NGLY1: variants seen among roughly 807,000 people sequenced by gnomAD.
NGLY1 encodes the protein peptide-N(4)-(N-acetyl-beta-glucosaminyl)asparagine amidase.
In NGLY1, 68 loss-of-function variants were observed where a neutral mutation model predicts 84.6. The ratio of observed to expected loss-of-function variants is 0.80; its 90% CI spans 0.66 to 0.98. NGLY1 has a LOEUF of 0.98. NGLY1 is among the 50% of genes least tolerant of loss of function. The pLI, the probability that NGLY1 is intolerant of heterozygous loss-of-function variation, is 0.00. For missense variants in NGLY1, 779 were observed against 770.2 expected (o/e 1.01, Z -0.14); for synonymous variants, 280 against 275.2 (o/e 1.02, Z -0.17).
exon 1 of NGLY1, chr3:25,789,951 G>T: frequency 6.7e-7 from 1 of 1,501,220 alleles, no homozygotes; most frequent in South Asian, 1.2e-5. Context: ...CTACCCAGCC[G>T]CCTCCCACGG....
chr3:25,736,147 G>T lies in NGLY1; in HGVS notation c.1006C>A (p.His336Asn). ...EARYVWDYTD[H>N]VWTEVYSPSQ... Reference sequence around the variant, plus strand: ...GGAGAATAGACTTCTGTCCAGACATGGTCTACTCAAGTAAGAGAAAAGAGA... The same window carrying T: ...GGAGAATAGACTTCTGTCCAGACATTGTCTACTCAAGTAAGAGAAAAGAGA... The change falls in exon 7 of 12, where the codon CAT becomes AAT. Residue 336 changes from histidine to asparagine, a missense_variant and splice_region_variant. By Grantham distance (68) the His-to-Asn change is moderately conservative. Coordinates refer to ENST00000280700, the MANE Select transcript of NGLY1 (RefSeq NM_018297.4). 1 of 1,611,076 alleles carries T rather than the reference G, an allele frequency of 6.2e-7. No homozygotes were observed. The highest frequency in any genetic ancestry group is 8.5e-7 in the Non-Finnish European group (1 of 1,178,992).
chr3:25,775,543 A>C (rs185602805), intron 2 of NGLY1, among the ~76,000 whole-genome samples: 21 of 152,342 alleles, frequency 1.4e-4, no homozygotes, highest in African/African-American at 4.8e-4. Context: ...AGAATTCAGA[A>C]AGACAAATAA....
chr3:25,751,323 T>A, intron 3 of NGLY1, 60 bp from the exon 4 acceptor site: 1 of 1,328,996 alleles, frequency 7.5e-7, no homozygotes, highest in South Asian at 1.8e-5. Flanking sequence ...AAATAATATA[T>A]AATAAAAAAA....
intron 4 of NGLY1, chr3:25,749,964 G>T: frequency 1.7e-6 from 1 of 600,864 alleles, no homozygotes; most frequent in Non-Finnish European, 2.9e-6. Context: ...AAAAAAAGAA[G>T]GAAATTCTGC....
At chr3:25,744,081 G>T (rs189379135) in intron 4 of NGLY1, among the ~76,000 whole-genome samples, 12 of 152,262 alleles carry the variant, frequency 7.9e-5, no homozygotes, top group Admixed American at 3.9e-4. Flanking sequence ...TAGATTTCTA[G>T]TAACTTATCA....
At chr3:25,722,624 T>C (rs1395531952) in intron 10 of NGLY1, among the ~76,000 whole-genome samples, 2 of 152,214 alleles carry the variant, frequency 1.3e-5, no homozygotes, top group East Asian at 3.8e-4. Flanking sequence ...AGAGTAGATA[T>C]GTATAGCCAA....
intron 9 of NGLY1, among the ~76,000 whole-genome samples, chr3:25,731,921 T>TG (rs1705560719): frequency 6.6e-6 from 1 of 152,100 alleles, no homozygotes; most frequent in South Asian, 2.1e-4. Context: ...TGTAAGGCAG[T>TG]GGGGAAAGAA....
At chr3:25,750,841 G>GA (rs1283259284) in intron 4 of NGLY1, among the ~76,000 whole-genome samples, 1 of 152,118 alleles carries the variant, frequency 6.6e-6, no homozygotes, top group Non-Finnish European at 1.5e-5. Context: ...ATTGGTTCCA[G>GA]GACCCCCACC....
chr3:25,774,526 T>C (rs1203116544), intron 2 of NGLY1, among the ~76,000 whole-genome samples: 1 of 152,008 alleles, frequency 6.6e-6, no homozygotes, highest in African/African-American at 2.4e-5. Context: ...TCCAGGGGGA[T>C]TACAGCTATC....
At position 25,780,504 on chromosome 3, in the gene NGLY1, T is replaced by C. The variant is rs192703079; in HGVS notation, c.132-1816A>G. On this transcript the variant is annotated intron_variant, in intron 1 of 11. Coordinates refer to ENST00000280700, the MANE Select transcript of NGLY1 (RefSeq NM_018297.4). ...CTTGAGCTATTTTAATCTATTCTTT[T>C]CCTCACAGCTTTCAGATCTCTACAT... Among the ~76,000 whole-genome samples, 4 of 152,338 alleles carry C rather than the reference T, an allele frequency of 2.6e-5. No homozygotes were observed. In the East Asian group the frequency reaches 7.7e-4, roughly 29 times the overall value.
chr3:25,737,135 A>T, intron 6 of NGLY1, 199 bp downstream of exon 6: 1 of 442,812 alleles, frequency 2.3e-6, no homozygotes, highest in East Asian at 3.4e-5. Flanking sequence ...CACCAGGCAC[A>T]GTGCTAGGTG....
intron 10 of NGLY1, among the ~76,000 whole-genome samples, chr3:25,722,315 A>T (rs1191330948): frequency 6.6e-6 from 1 of 151,684 alleles, no homozygotes; most frequent in Non-Finnish European, 1.5e-5. Flanking sequence ...TGATCTTTTT[A>T]GAAACATCTA....
intron 3 of NGLY1, among the ~76,000 whole-genome samples, chr3:25,753,063 T>C (rs1199017892): frequency 6.6e-6 from 1 of 151,864 alleles, no homozygotes; most frequent in Non-Finnish European, 1.5e-5. Context: ...CAGAAATAAA[T>C]TTCTCATAGC....
chr3:25,728,349 T>C (rs534612868), intron 10 of NGLY1, among the ~76,000 whole-genome samples: 1 of 152,264 alleles, frequency 6.6e-6, no homozygotes, highest in African/African-American at 2.4e-5. Context: ...CAATATATTT[T>C]ACAAGTGAAC....
chr3:25,770,331 T>C (rs998414039), intron 2 of NGLY1, among the ~76,000 whole-genome samples: 3 of 152,112 alleles, frequency 2.0e-5, no homozygotes, highest in African/African-American at 7.2e-5. Flanking sequence ...GTATTTTTAG[T>C]AGAGATGGGG....
chr3:25,724,085 G>C (rs1705139544), intron 10 of NGLY1, among the ~76,000 whole-genome samples: 1 of 152,214 alleles, frequency 6.6e-6, no homozygotes, highest in Non-Finnish European at 1.5e-5. Context: ...TTTCAGGACT[G>C]AGAACAATTT....
intron 9 of NGLY1, chr3:25,730,219 T>C (rs914320391): frequency 6.6e-6 from 1 of 152,112 alleles, no homozygotes; most frequent in African/African-American, 2.4e-5. Flanking sequence ...AACTTTTCTT[T>C]CTGGAAATGA....
At chr3:25,740,156 T>C (rs934932228) in intron 4 of NGLY1, among the ~76,000 whole-genome samples, 3 of 152,156 alleles carry the variant, frequency 2.0e-5, no homozygotes, top group African/African-American at 7.2e-5. Flanking sequence ...GAAAAACATT[T>C]AAAAATGGGA....
chr3:25,772,464 C>T (rs1707941116), intron 2 of NGLY1, among the ~76,000 whole-genome samples: 1 of 152,080 alleles, frequency 6.6e-6, no homozygotes, highest in Non-Finnish European at 1.5e-5. Flanking sequence ...GTTACTCCTG[C>T]TGGCTTTTGG....
Sources: gnomAD v4.1 joint callset for allele counts (sites outside exome capture counted in the v4.1 genomes callset) on GRCh38, gnomAD v4.1.1 for gene constraint, MANE v1.5 for transcripts, NCBI Gene and HGNC (gene_info 2026-07-23, HGNC 2026-07-21) for gene names.